Variants in PRKG1 observed in about 807,000 individuals in gnomAD.
The protein encoded by PRKG1 is protein kinase cGMP-dependent 1.
PRKG1 carries 35 observed loss-of-function variants against 88.1 expected under a neutral mutation model. The observed-to-expected ratio is 0.40, with a 90% CI of 0.30 to 0.53. PRKG1 has a LOEUF of 0.53. PRKG1 is among the 20% of genes least tolerant of loss of function. PRKG1 has a pLI of 0.59. For synonymous variants in PRKG1, 303 were observed against 292.5 expected, an observed-to-expected ratio of 1.04 and a Z score of -0.37; for missense variants, 540 against 839.8, an observed-to-expected ratio of 0.64 and a Z score of 4.41.
chr10:51,760,732 G>A (rs550043771), intron 3 of PRKG1, among the ~76,000 whole-genome samples: 6 of 152,000 alleles, frequency 3.9e-5, no homozygotes, highest in South Asian at 2.1e-4. Context: ...TCGGCTTCCC[G>A]TGGTGCTGGG....
intron 4 of PRKG1, among the ~76,000 whole-genome samples, chr10:51,857,481 G>A (rs1326420946): frequency 6.6e-6 from 1 of 152,128 alleles, no homozygotes; most frequent in East Asian, 1.9e-4. Flanking sequence ...GGAGGGGGCT[G>A]TGGAGAAAGT....
At chr10:52,278,712 G>A (rs538670500) in intron 12 of PRKG1, among the ~76,000 whole-genome samples, 4 of 152,080 alleles carry the variant, frequency 2.6e-5, no homozygotes, top group East Asian at 3.9e-4. Flanking sequence ...TGGATCATGA[G>A]GTCAGGAGGT....
At chr10:52,155,492 C>T (rs960418045) in intron 8 of PRKG1, among the ~76,000 whole-genome samples, 2 of 151,824 alleles carry the variant, frequency 1.3e-5, no homozygotes, top group Admixed American at 6.6e-5. Context: ...GCGTGTCCTA[C>T]ATGCTTGACT....
intron 7 of PRKG1, among the ~76,000 whole-genome samples, chr10:52,082,537 T>C (rs1846804304): frequency 6.6e-6 from 1 of 152,144 alleles, no homozygotes; most frequent in Non-Finnish European, 1.5e-5. Flanking sequence ...AGATGCAAAT[T>C]GTCTCTGGCA....
intron 3 of PRKG1, among the ~76,000 whole-genome samples, chr10:51,491,641 G>A (rs970502577): frequency 1.3e-5 from 2 of 151,978 alleles, no homozygotes; most frequent in African/African-American, 4.8e-5. Context: ...CCTGAAAGAC[G>A]GGTAGCATTA....
intron 13 of PRKG1, among the ~76,000 whole-genome samples, chr10:52,281,836 A>G (rs1179618199): frequency 6.6e-6 from 1 of 152,160 alleles, no homozygotes; most frequent in African/African-American, 2.4e-5. Flanking sequence ...TAGGTACAGA[A>G]GAGATTCTGT....
At chr10:52,128,579 G>A (rs1172345876) in intron 7 of PRKG1, 10 of 984,928 alleles carry the variant, frequency 1.0e-5, no homozygotes, top group African/African-American at 1.7e-5. Flanking sequence ...AATATTTTGG[G>A]ATATTTTTCA....
chr10:51,455,689 T>C (rs1839565359), intron 2 of PRKG1, among the ~76,000 whole-genome samples: 1 of 152,214 alleles, frequency 6.6e-6, no homozygotes, highest in Non-Finnish European at 1.5e-5. Flanking sequence ...AACACGTTCC[T>C]CATCTCCATC....
chr10:51,860,377 T>A (rs933388116), intron 4 of PRKG1, among the ~76,000 whole-genome samples: 4 of 152,222 alleles, frequency 2.6e-5, no homozygotes, highest in African/African-American at 4.8e-5. Flanking sequence ...AGAGGCTAGC[T>A]GTGTCAGCAG....
intron 2 of PRKG1, chr10:51,245,924 T>G (rs1839277592): frequency 6.6e-6 from 1 of 152,116 alleles, no homozygotes; most frequent in Non-Finnish European, 1.5e-5. Flanking sequence ...GAGCAAAAGC[T>G]AGGAGTTATA....
chr10:52,117,704 A>G (rs1847722246), intron 7 of PRKG1, among the ~76,000 whole-genome samples: 1 of 152,128 alleles, frequency 6.6e-6, no homozygotes, highest in Non-Finnish European at 1.5e-5. Context: ...AGCTACAATA[A>G]TAACTATCCC....
intron 9 of PRKG1, among the ~76,000 whole-genome samples, chr10:52,166,622 C>G (rs1267986497): frequency 1.3e-5 from 2 of 148,638 alleles, no homozygotes; most frequent in Non-Finnish European, 3.0e-5. Context: ...AATTTTATCT[C>G]TATATTGAAG....
intron 1 of PRKG1, among the ~76,000 whole-genome samples, chr10:50,997,821 A>C (rs1203923332): frequency 6.6e-6 from 1 of 152,240 alleles, no homozygotes; most frequent in Non-Finnish European, 1.5e-5. Flanking sequence ...TGAAGAGAAA[A>C]GAGGAAGTAA....
At chr10:51,515,535 A>G (rs1355930264) in intron 3 of PRKG1, among the ~76,000 whole-genome samples, 1 of 152,214 alleles carries the variant, frequency 6.6e-6, no homozygotes. Flanking sequence ...TAGCGGCTAC[A>G]GTAAAATTCC....
At chr10:51,947,437 C>A (rs1017443127) in intron 5 of PRKG1, among the ~76,000 whole-genome samples, 4 of 151,840 alleles carry the variant, frequency 2.6e-5, no homozygotes, top group Non-Finnish European at 5.9e-5. Flanking sequence ...ATGCCTCGCC[C>A]TGCTTCGGCT....
chr10:51,999,892 C>G (rs1844549801), intron 5 of PRKG1, among the ~76,000 whole-genome samples: 1 of 151,854 alleles, frequency 6.6e-6, no homozygotes, highest in Non-Finnish European at 1.5e-5. Flanking sequence ...AATAGCAAGA[C>G]TAAAGAATAA....
At chr10:51,477,812 C>T (rs181090899) in intron 3 of PRKG1, among the ~76,000 whole-genome samples, 17 of 151,960 alleles carry the variant, frequency 1.1e-4, no homozygotes, top group African/African-American at 4.1e-4. Flanking sequence ...AAAAGGGCCA[C>T]GATCCAGAGA....
chr10:51,053,374 G>A (rs1162655299), intron 1 of PRKG1, among the ~76,000 whole-genome samples: 1 of 152,128 alleles, frequency 6.6e-6, no homozygotes, highest in Non-Finnish European at 1.5e-5. Flanking sequence ...ACGTAATTTG[G>A]CTACAAGACA....
chr10:51,837,508 G>T (rs1299535899), intron 4 of PRKG1, among the ~76,000 whole-genome samples: 1 of 152,024 alleles, frequency 6.6e-6, no homozygotes, highest in East Asian at 1.9e-4. Flanking sequence ...AATGCATACA[G>T]ATTTTTCCTC....
Sources: allele counts gnomAD v4.1 joint callset (sites outside exome capture counted in the v4.1 genomes callset), GRCh38; gene constraint gnomAD v4.1.1; transcripts MANE v1.5; gene names NCBI Gene and HGNC (gene_info 2026-07-23, HGNC 2026-07-21).